Variants in FAXC observed in about 807,000 individuals in gnomAD.
FAXC encodes the protein failed axon connections homolog.
A neutral mutation model predicts 41.9 loss-of-function variants in FAXC; 10 were observed. The observed-to-expected ratio is 0.24, with a 90% CI of 0.15 to 0.41. FAXC has a LOEUF of 0.41. Among genes scored for constraint, FAXC ranks in the 10% least tolerant of loss-of-function variants. The pLI is 1.00. For synonymous variants in FAXC, 183 were observed against 183.8 expected (o/e 1.00, Z 0.03); for missense variants, 399 against 510.9 (o/e 0.78, Z 2.11).
intron 4 of FAXC, among the ~76,000 whole-genome samples, chr6:99,306,072 G>T (rs1771907841): frequency 6.6e-6 from 1 of 152,066 alleles, no homozygotes; most frequent in Non-Finnish European, 1.5e-5. Context: ...GGGTGGTCAG[G>T]GAAGGCCTCT....
chr6:99,297,028 G>T (rs1322365697), intron 4 of FAXC, among the ~76,000 whole-genome samples: 1 of 152,150 alleles, frequency 6.6e-6, no homozygotes, highest in Non-Finnish European at 1.5e-5. Context: ...AATGTTAAGG[G>T]GTCCTGATGG....
chr6:99,329,629 G>T (rs998627731), intron 3 of FAXC, among the ~76,000 whole-genome samples: 2 of 152,066 alleles, frequency 1.3e-5, no homozygotes, highest in Non-Finnish European at 2.9e-5. Flanking sequence ...CCAAACAGGG[G>T]CCCTCGCTAC....
chr6:99,334,298 A>G (rs1317100669), intron 2 of FAXC, among the ~76,000 whole-genome samples: 1 of 152,186 alleles, frequency 6.6e-6, no homozygotes, highest in East Asian at 1.9e-4. Flanking sequence ...CAAAAAGGGT[A>G]ATAACTATTG....
chr6:99,315,632 C>T (rs924534265), intron 4 of FAXC, among the ~76,000 whole-genome samples: 37 of 152,196 alleles, frequency 2.4e-4, no homozygotes, highest in African/African-American at 8.4e-4. Flanking sequence ...AGAAAAGTGG[C>T]TGAAAATAAC....
chr6:99,336,168 A>C (rs1352032618), intron 2 of FAXC, among the ~76,000 whole-genome samples: 1 of 152,132 alleles, frequency 6.6e-6, no homozygotes, highest in Non-Finnish European at 1.5e-5. Flanking sequence ...TGCCTGCCTC[A>C]GCCTCCCAAA....
intron 3 of FAXC, among the ~76,000 whole-genome samples, chr6:99,330,861 G>C (rs1773003143): frequency 1.3e-5 from 2 of 152,332 alleles, no homozygotes; most frequent in Admixed American, 1.3e-4. Flanking sequence ...CATTTTGTGT[G>C]TGGCCTTGGA....
At chr6:99,299,192 A>G (rs1288876813) in intron 4 of FAXC, among the ~76,000 whole-genome samples, 5 of 152,214 alleles carry the variant, frequency 3.3e-5, no homozygotes, top group Non-Finnish European at 5.9e-5. Context: ...GTGGACAGAA[A>G]GTTTATTTCA....
At position 99,323,685 on chromosome 6, in the gene FAXC, C is replaced by T; in HGVS notation, c.600-18G>A. On this transcript the variant is annotated intron_variant, in intron 3 of 5. Transcript: ENST00000389677. ...CTAATGTCCTGGAATTGTGTGGAAA[C>T]AAGTTACTACTGTGCATCAGGTACA... 6.3e-7 allele frequency: 1 copy of T among 1,592,290 alleles called. No homozygotes were observed. The highest frequency in any genetic ancestry group is 2.2e-5 in the East Asian group (1 of 44,780).
At chr6:99,295,700 C>T (rs372381796) in intron 4 of FAXC, among the ~76,000 whole-genome samples, 35 of 152,270 alleles carry the variant, frequency 2.3e-4, no homozygotes, top group Middle Eastern at 6.8e-3. Context: ...AATACACCTT[C>T]GCAGGGCATC....
intron 5 of FAXC, 53 bp from the exon 6 acceptor site, chr6:99,281,506 A>C: frequency 7.2e-7 from 1 of 1,379,764 alleles, no homozygotes; most frequent in Admixed American, 1.8e-5. Flanking sequence ...GCAGTCTACC[A>C]CTTCTATGGT....
At chr6:99,284,858 G>A (rs977595041) in intron 5 of FAXC, among the ~76,000 whole-genome samples, 5 of 151,456 alleles carry the variant, frequency 3.3e-5, no homozygotes, top group African/African-American at 1.2e-4. Context: ...AGGCTGCAGT[G>A]AGCCGAGATC....
intron 4 of FAXC, among the ~76,000 whole-genome samples, chr6:99,310,914 T>C (rs964081792): frequency 3.9e-5 from 6 of 151,998 alleles, no homozygotes; most frequent in African/African-American, 1.5e-4. Context: ...GAGGTGGGCA[T>C]CTCTATGAGG....
chr6:99,293,665 AGTGTGTGTGTGTGTGTGTGTGTGTGT>A (rs55827992), intron 4 of FAXC, among the ~76,000 whole-genome samples: 6 of 123,272 alleles, frequency 4.9e-5, no homozygotes, highest in Non-Finnish European at 8.6e-5. Flanking sequence ...CTCTATACAC[AGTGTGTGTGTGTGTGTGTGTGTGTGT>A]GTGTGTGTGT....
chr6:99,293,698 G>GTGTGTC (rs1554198514), intron 4 of FAXC, among the ~76,000 whole-genome samples: 10 of 143,892 alleles, frequency 6.9e-5, no homozygotes, highest in Non-Finnish European at 1.1e-4. Context: ...GTGTGTGTGT[G>GTGTGTC]TGTGTGTGTG....
rs1773647575 is a variant in FAXC, at chr6:99,347,566, C to G, written c.266+1541G>C. Among the ~76,000 whole-genome samples, 2 of 152,310 alleles carry G rather than the reference C, an allele frequency of 1.3e-5. 1 individual carries two copies. The highest frequency in any genetic ancestry group is 1.3e-4 in the Admixed American group (2 of 15,302). ...TCTCCAGTGACAACACCTGCCAGGG[C>G]AGGGCCTACTCCGGAGTGGCAGCTG... On this transcript the variant is annotated intron_variant, in intron 1 of 5. Transcript: ENST00000389677.
intron 3 of FAXC, among the ~76,000 whole-genome samples, chr6:99,329,768 TC>T (rs1772965580): frequency 6.6e-6 from 1 of 151,184 alleles, no homozygotes; most frequent in African/African-American, 2.4e-5. Context: ...TATCCCATCT[TC>T]CCCCATCTCC....
intron 1 of FAXC, among the ~76,000 whole-genome samples, chr6:99,348,304 C>T (rs796967917): frequency 9.8e-5 from 15 of 152,304 alleles, no homozygotes; most frequent in African/African-American, 3.4e-4. Context: ...ATTAGCCAAA[C>T]GACTGTCTCA....
intron 5 of FAXC, among the ~76,000 whole-genome samples, chr6:99,288,745 C>G (rs911912168): frequency 1.3e-5 from 2 of 152,114 alleles, no homozygotes; most frequent in Non-Finnish European, 1.5e-5. Flanking sequence ...CCAATGAAGT[C>G]TGATAATGTA....
At chr6:99,292,309 A>T (rs1771277877) in intron 4 of FAXC, among the ~76,000 whole-genome samples, 1 of 152,186 alleles carries the variant, frequency 6.6e-6, no homozygotes, top group Non-Finnish European at 1.5e-5. Context: ...GTTTCCCATG[A>T]CGCTACATGG....
Sources: gnomAD v4.1 joint callset for allele counts (sites outside exome capture counted in the v4.1 genomes callset) on GRCh38, gnomAD v4.1.1 for gene constraint, MANE v1.5 for transcripts, NCBI Gene and HGNC (gene_info 2026-07-23, HGNC 2026-07-21) for gene names.